Variants in ITGA1 observed in about 807,000 individuals in gnomAD.
The protein encoded by ITGA1 is integrin alpha-1.
A neutral mutation model predicts 145.9 loss-of-function variants in ITGA1; 85 were observed. That is an observed-to-expected ratio of 0.58 (90% CI 0.49 to 0.70). The LOEUF (loss-of-function observed/expected upper bound fraction) is 0.70, where lower values mean the gene tolerates loss of function less well. ITGA1 is among the 30% of genes least tolerant of loss of function. The pLI is 0.00. For synonymous variants in ITGA1, 520 were observed against 495.3 expected (o/e 1.05, Z -0.66); for missense variants, 1,351 against 1,418.7 (o/e 0.95, Z 0.77).
chr5:52,937,027 G>A, intron 23 of ITGA1, among the ~76,000 whole-genome samples: 1 of 140,798 alleles, frequency 7.1e-6, no homozygotes, highest in Non-Finnish European at 1.5e-5. Context: ...CTTCTTTCCA[G>A]TTTCAAAAAG....
At chr5:52,812,682 G>A (rs1580040784) in intron 1 of ITGA1, among the ~76,000 whole-genome samples, 1 of 149,978 alleles carries the variant, frequency 6.7e-6, no homozygotes, top group African/African-American at 2.4e-5. Context: ...TGGAAAAAAT[G>A]ATAAAACTGC....
chr5:52,920,067 C>A (rs1009399302), intron 16 of ITGA1, among the ~76,000 whole-genome samples: 1 of 152,020 alleles, frequency 6.6e-6, no homozygotes, highest in African/African-American at 2.4e-5. Flanking sequence ...GGCAGGTGTG[C>A]ATGTGTGTAT....
chr5:52,927,733 TA>T, intron 20 of ITGA1, 69 bp downstream of exon 20: 1 of 1,010,724 alleles, frequency 9.9e-7, no homozygotes, highest in Non-Finnish European at 1.5e-6. Flanking sequence ...GACAAATATA[TA>T]AATCCTTCCA....
intron 1 of ITGA1, among the ~76,000 whole-genome samples, chr5:52,798,462 C>G (rs1349102825): frequency 6.6e-6 from 1 of 152,108 alleles, no homozygotes; most frequent in Admixed American, 6.5e-5. Context: ...AATGTTGAGA[C>G]AAGTCTCAAT....
chr5:52,823,712 G>A (rs1041724126), intron 1 of ITGA1, among the ~76,000 whole-genome samples: 2 of 152,068 alleles, frequency 1.3e-5, no homozygotes, highest in African/African-American at 4.8e-5. Flanking sequence ...ATATCCCAAC[G>A]GAGACTGAGA....
intron 1 of ITGA1, chr5:52,801,403 T>C: frequency 6.2e-7 from 1 of 1,604,890 alleles, no homozygotes; most frequent in Non-Finnish European, 8.5e-7. Flanking sequence ...GTAATTGTGA[T>C]TCTAGGTACA....
In ITGA1 at chr5:52,937,220, A is replaced by G. The variant is rs182059215; in HGVS notation, c.2965-181A>G. 9.7e-4 allele frequency among the ~76,000 whole-genome samples: 147 copies of G among 152,308 alleles called. 2 individuals carry two copies. The Middle Eastern group carries it at 0.014, about 14-fold the overall frequency. On this transcript the variant is annotated intron_variant, in intron 23 of 28. Transcript: ENST00000282588. ...TACGGCTACTGACCATTAAGTGTCCATATTTTCTGCTGGCTGAATTATGCC... is the reference window on the plus strand; with the variant it reads ...TACGGCTACTGACCATTAAGTGTCCGTATTTTCTGCTGGCTGAATTATGCC...
intron 1 of ITGA1, chr5:52,801,192 G>A (rs1334915141): frequency 1.4e-6 from 2 of 1,416,368 alleles, no homozygotes; most frequent in Non-Finnish European, 1.9e-6. Flanking sequence ...TAAAGTTTTA[G>A]AACTGGGAAA....
chr5:52,929,606 A>G lies in ITGA1; in HGVS notation c.2695-19A>G. The G allele has an allele frequency of 7.1e-6, 9 of 1,273,090 alleles. No individual in the cohort carries two copies. Among genetic ancestry groups the G allele is most frequent in the African/African-American group, 1.5e-5 (1 of 67,582 alleles). 78.9% of individuals were successfully genotyped at this position (1,273,090 alleles called of 1,614,324 possible). A position where few individuals can be genotyped will look rare whatever the true frequency, so the allele number is the denominator to read the frequency against. On this transcript the variant is annotated intron_variant, in intron 20 of 28. Transcript: ENST00000282588. ...GTAAATTTCTTATCTGTTACTAAAGACATATTTTTATTTTATAGGTAACTT... is the reference window on the plus strand; with the variant it reads ...GTAAATTTCTTATCTGTTACTAAAGGCATATTTTTATTTTATAGGTAACTT...
intron 8 of ITGA1, among the ~76,000 whole-genome samples, chr5:52,891,188 CAG>C (rs1448560639): frequency 6.6e-6 from 1 of 151,554 alleles, no homozygotes; most frequent in African/African-American, 2.4e-5. Context: ...CTGCAATAAA[CAG>C]GGGAGTGCAG....
At chr5:52,901,279 C>G (rs1269401352) in intron 11 of ITGA1, among the ~76,000 whole-genome samples, 5 of 152,156 alleles carry the variant, frequency 3.3e-5, no homozygotes, top group Admixed American at 3.3e-4. Flanking sequence ...ACCGATTCTC[C>G]TTGATAGGCT....
intron 1 of ITGA1, chr5:52,801,517 G>T: frequency 6.2e-7 from 1 of 1,614,086 alleles, no homozygotes; most frequent in Non-Finnish European, 8.5e-7. Flanking sequence ...CAAAGCCTTG[G>T]ATGACTTCTA....
intron 22 of ITGA1, chr5:52,933,273 C>A (rs998145534): frequency 6.6e-6 from 1 of 151,980 alleles, no homozygotes; most frequent in Admixed American, 6.6e-5. Flanking sequence ...CCTTTAAATT[C>A]TGTCTCCACT....
In ITGA1 at chr5:52,915,572, C is replaced by T. The variant is rs149318886; in HGVS notation, c.1966C>T (p.Leu656Phe). 2.8e-4 allele frequency: 450 copies of T among 1,613,982 alleles called. No individual in the cohort carries two copies. Among genetic ancestry groups the T allele is most frequent in the Non-Finnish European group, 3.7e-4 (433 of 1,179,974 alleles). Reference sequence around the variant, plus strand: ...TCTGACAGATGTGACTATTGGGGGCCTTGGTGGTGCTGCCCTCTTCTGGTA... The same window carrying T: ...TCTGACAGATGTGACTATTGGGGGCTTTGGTGGTGCTGCCCTCTTCTGGTA... ...DGLTDVTIGG[L>F]GGAALFWSRD... The change falls in exon 15 of 29, where the codon CTT (leucine) becomes TTT (phenylalanine). Residue 656 changes from leucine (L) to phenylalanine (F), a missense_variant. Leu to Phe is a conservative substitution (Grantham distance 22). Transcript: ENST00000282588.
At chr5:52,818,448 A>C (rs1748812524) in intron 1 of ITGA1, among the ~76,000 whole-genome samples, 1 of 152,212 alleles carries the variant, frequency 6.6e-6, no homozygotes, top group African/African-American at 2.4e-5. Flanking sequence ...ATTTCCTGGG[A>C]AGTATATTCA....
rs1748339538 is a variant in ITGA1 at position 52,796,248 on chromosome 5, CTCTTCTTGAGACACTGGA to C, written c.61+7835_61+7852del. Reference sequence around the variant, plus strand: ...AGGATGCTTGACTTCTAGCCCAGTTCTCTTCTTGAGACACTGGAAGTGTCTCAAGAGCAACAAATTAAA... The same window carrying C: ...AGGATGCTTGACTTCTAGCCCAGTTCAGTGTCTCAAGAGCAACAAATTAAA... On this transcript the variant is annotated intron_variant, in intron 1 of 28. Coordinates refer to ENST00000282588, the MANE Select transcript of ITGA1 (RefSeq NM_181501.2). 2.0e-5 allele frequency among the ~76,000 whole-genome samples: 3 copies of C among 151,822 alleles called. No individual in the cohort carries two copies. The South Asian group carries it at 6.2e-4, about 31-fold the overall frequency.
intron 1 of ITGA1, among the ~76,000 whole-genome samples, chr5:52,807,435 G>T (rs182226807): frequency 4.1e-4 from 62 of 152,078 alleles, no homozygotes; most frequent in African/African-American, 1.4e-3. Flanking sequence ...AATTAAAGAA[G>T]ATTAAATAAT....
intron 1 of ITGA1, among the ~76,000 whole-genome samples, chr5:52,821,459 A>G (rs1748877960): frequency 6.6e-6 from 1 of 152,196 alleles, no homozygotes; most frequent in East Asian, 1.9e-4. Flanking sequence ...AAATTTGCTC[A>G]TACAGAATTG....
At chr5:52,951,345 T>A (rs1171529353) in intron 28 of ITGA1, among the ~76,000 whole-genome samples, 1 of 152,202 alleles carries the variant, frequency 6.6e-6, no homozygotes, top group Non-Finnish European at 1.5e-5. Context: ...TTTCTTTTTT[T>A]AAAAATAAGC....
Sources: gnomAD v4.1 joint callset for allele counts (sites outside exome capture counted in the v4.1 genomes callset) on GRCh38, gnomAD v4.1.1 for gene constraint, MANE v1.5 for transcripts, NCBI Gene and HGNC (gene_info 2026-07-23, HGNC 2026-07-21) for gene names.